Variants in CCSER1 observed in about 807,000 individuals in gnomAD.
CCSER1 encodes serine-rich coiled-coil domain-containing protein 1.
A neutral mutation model predicts 82.0 loss-of-function variants in CCSER1; 41 were observed. The ratio of observed to expected loss-of-function variants is 0.50; its 90% CI spans 0.39 to 0.65. The LOEUF is 0.65. CCSER1 is among the 30% of genes least tolerant of loss of function. The pLI, the probability that CCSER1 is intolerant of heterozygous loss-of-function variation, is 0.00. For synonymous variants in CCSER1, 414 were observed against 383.9 expected (o/e 1.08, Z -0.92); for missense variants, 1,119 against 1,064.2 (o/e 1.05, Z -0.72).
At chr4:90,460,304 G>A (rs542799948) in intron 4 of CCSER1, among the ~76,000 whole-genome samples, 1 of 96,786 alleles carries the variant, frequency 1.0e-5, no homozygotes, top group South Asian at 3.0e-4. Flanking sequence ...CAGCCTGGGC[G>A]ACAGAGCGAA....
At position 90,341,461 on chromosome 4, in the gene CCSER1, T is replaced by C. The variant is rs554151533; in HGVS notation, c.1509+28414T>C. Reference sequence around the variant, plus strand: ...AAATCCACAAGGAGCATTTTTTAAATATAATATCCTTTTAATAAACCTAGA... The same window carrying C: ...AAATCCACAAGGAGCATTTTTTAAACATAATATCCTTTTAATAAACCTAGA... On this transcript the variant is annotated intron_variant, in intron 3 of 10. Coordinates refer to ENST00000509176, the MANE Select transcript of CCSER1 (RefSeq NM_001145065.2). Among the ~76,000 whole-genome samples the C allele has an allele frequency of 2.0e-5, 3 of 152,240 alleles. No individual in the cohort carries two copies. The East Asian group carries it at 5.8e-4, about 29-fold the overall frequency.
intron 7 of CCSER1, among the ~76,000 whole-genome samples, chr4:90,793,216 T>C (rs1338584243): frequency 2.0e-5 from 3 of 152,180 alleles, no homozygotes; most frequent in Non-Finnish European, 4.4e-5. Context: ...AGGATACATG[T>C]GCAGGTTTGT....
Position 91,174,806 on chromosome 4 carries a change from T to C in CCSER1, c.2217+88812T>C, listed in dbSNP as rs1733139169. ...CTCCTCCTAGGCCCCATGCTAGTTT[T>C]CTTTGTTTTTCTTTTCTTTTTTTTT... On this transcript the variant is annotated intron_variant, in intron 10 of 10. Coordinates refer to ENST00000509176, the MANE Select transcript of CCSER1 (RefSeq NM_001145065.2). Among the ~76,000 whole-genome samples, 4 of 122,926 alleles carry C rather than the reference T, an allele frequency of 3.3e-5. No homozygotes were observed. The Admixed American group carries it at 3.5e-4, about 11-fold the overall frequency. The allele number at this position is 122,926 out of a possible 152,430, so 80.6% of individuals were successfully genotyped here. A position where few individuals can be genotyped will look rare whatever the true frequency, so the allele number is the denominator to read the frequency against.
intron 1 of CCSER1, among the ~76,000 whole-genome samples, chr4:90,200,081 C>CAT (rs1373830738): frequency 6.6e-6 from 1 of 151,672 alleles, no homozygotes; most frequent in Non-Finnish European, 1.5e-5. Flanking sequence ...CACACACACA[C>CAT]ACACACACAC....
chr4:91,597,471 A>AC (rs1243032233), intron 10 of CCSER1, among the ~76,000 whole-genome samples: 1 of 152,122 alleles, frequency 6.6e-6, no homozygotes, highest in Non-Finnish European at 1.5e-5. Context: ...GTGTATGAAG[A>AC]AAAGAGAAAA....
chr4:90,244,606 G>A (rs1721089188), intron 1 of CCSER1, among the ~76,000 whole-genome samples: 1 of 152,160 alleles, frequency 6.6e-6, no homozygotes, highest in African/African-American at 2.4e-5. Flanking sequence ...GGGGAAGCAA[G>A]GACCTTCTTC....
intron 10 of CCSER1, among the ~76,000 whole-genome samples, chr4:91,420,763 A>G (rs1184389812): frequency 6.6e-6 from 1 of 152,208 alleles, no homozygotes; most frequent in Admixed American, 6.5e-5. Context: ...TATTATTCAC[A>G]TAGGCACAAT....
intron 7 of CCSER1, among the ~76,000 whole-genome samples, chr4:90,765,930 C>T (rs1751151996): frequency 6.6e-6 from 1 of 151,938 alleles, no homozygotes; most frequent in African/African-American, 2.4e-5. Context: ...GTAAGCATGA[C>T]CTGTTTGAGA....
At position 90,959,740 on chromosome 4, in the gene CCSER1, C is replaced by CT. The variant is rs57697228; in HGVS notation, c.2172+36306dup. ...CTGTGGAAGTTCTGCCTCGGGTTTTCTTTTTTTTTTTTTCGTTTGTTTTCT... is the reference window on the plus strand; with the variant it reads ...CTGTGGAAGTTCTGCCTCGGGTTTTCTTTTTTTTTTTTTTCGTTTGTTTTCT... On this transcript the variant is annotated intron_variant, in intron 9 of 10. Coordinates refer to ENST00000509176, the MANE Select transcript of CCSER1 (RefSeq NM_001145065.2). Among the ~76,000 whole-genome samples, 1,353 of 141,010 alleles carry CT rather than the reference C, an allele frequency of 9.6e-3. 43 individuals are homozygous for CT. Among genetic ancestry groups the CT allele is most frequent in the Admixed American group, 0.059 (834 of 14,110 alleles). The allele number at this position is 141,010 out of a possible 152,430, so 92.5% of individuals were successfully genotyped here.
In CCSER1 at chr4:90,654,208, C is replaced by T. The variant is rs147185278; in HGVS notation, c.1932+25976C>T. Among the ~76,000 whole-genome samples the T allele has an allele frequency of 1.2e-3, 189 of 152,154 alleles. 1 individual carries two copies. The highest frequency in any genetic ancestry group is 4.4e-3 in the African/African-American group (181 of 41,518). On this transcript the variant is annotated intron_variant, in intron 6 of 10. Transcript: ENST00000509176. ...TTCTGTTATAGTATAAAATTGAAAT[C>T]CGATTATGTGAATTCGTTGGGATGC...
chr4:90,256,601 T>C (rs114027225), intron 1 of CCSER1, among the ~76,000 whole-genome samples: 1,921 of 152,242 alleles, frequency 0.013, 28 homozygotes, highest in African/African-American at 0.037. Context: ...GAGGTAGTTA[T>C]ATTAAAAATA....
intron 10 of CCSER1, among the ~76,000 whole-genome samples, chr4:91,299,609 C>A (rs1198097058): frequency 6.6e-6 from 1 of 151,834 alleles, no homozygotes; most frequent in African/African-American, 2.4e-5. Context: ...TTATTTGGTA[C>A]CAGCCATACA....
chr4:90,257,713 G>A (rs1402192423), intron 1 of CCSER1, among the ~76,000 whole-genome samples: 2 of 152,094 alleles, frequency 1.3e-5, no homozygotes, highest in Non-Finnish European at 2.9e-5. Context: ...TTTGCTGTTG[G>A]CTGTCTGATG....
chr4:90,400,486 A>G (rs1440332054), intron 4 of CCSER1, among the ~76,000 whole-genome samples: 1 of 152,160 alleles, frequency 6.6e-6, no homozygotes, highest in African/African-American at 2.4e-5. Flanking sequence ...TTTATTTTAT[A>G]TAACCAAATG....
intron 10 of CCSER1, among the ~76,000 whole-genome samples, chr4:91,178,233 A>G (rs890253666): frequency 2.0e-5 from 3 of 152,138 alleles, no homozygotes; most frequent in Admixed American, 1.3e-4. Flanking sequence ...ACCTCCAACT[A>G]TGTGGTCGGT....
intron 5 of CCSER1, among the ~76,000 whole-genome samples, chr4:90,565,035 A>ATT (rs559940576): frequency 7.3e-4 from 103 of 141,004 alleles, no homozygotes; most frequent in African/African-American, 2.5e-3. Context: ...CAAAGTTCAG[A>ATT]TTTTTTTTTT....
chr4:90,701,021 C>T (rs988096735), intron 6 of CCSER1, among the ~76,000 whole-genome samples: 5 of 152,048 alleles, frequency 3.3e-5, no homozygotes, highest in African/African-American at 1.2e-4. Context: ...GCTTTTGTTG[C>T]CATTGCTTTT....
intron 9 of CCSER1, among the ~76,000 whole-genome samples, chr4:91,074,702 G>C (rs1445796693): frequency 6.6e-6 from 1 of 152,196 alleles, no homozygotes; most frequent in African/African-American, 2.4e-5. Flanking sequence ...AAAATGAAGA[G>C]GTTGAGCTAC....
intron 4 of CCSER1, among the ~76,000 whole-genome samples, chr4:90,435,919 A>G (rs1395455069): frequency 6.6e-6 from 1 of 152,058 alleles, no homozygotes; most frequent in Non-Finnish European, 1.5e-5. Context: ...TTTATGGACT[A>G]TAAACCAATC....
Sources: allele counts gnomAD v4.1 joint callset (sites outside exome capture counted in the v4.1 genomes callset), GRCh38; gene constraint gnomAD v4.1.1; transcripts MANE v1.5; gene names NCBI Gene and HGNC (gene_info 2026-07-23, HGNC 2026-07-21).